The following TRIM2 variants were observed in gnomAD, a reference collection of about 807,000 sequenced individuals.
The protein encoded by TRIM2 is tripartite motif containing 2.
In TRIM2, 20 loss-of-function variants were observed where a neutral mutation model predicts 75.2. The ratio of observed to expected loss-of-function variants is 0.27; its 90% confidence interval spans 0.19 to 0.39. The LOEUF (loss-of-function observed/expected upper bound fraction) is 0.39, where lower values mean the gene tolerates loss of function less well. Ranked by LOEUF, TRIM2 falls within the 10% of genes least tolerant of loss-of-function variation. The probability of loss-of-function intolerance (pLI) is 1.00; values close to 1 mark genes in which losing one functional copy is unlikely to be tolerated. For synonymous variants in TRIM2, 373 were observed against 388.3 expected, an observed-to-expected ratio of 0.96 and a Z score of 0.46; for missense variants, 660 against 990.8, an observed-to-expected ratio of 0.67 and a Z score of 4.48.
chr4:153,257,728 C>CT (rs1752423297), intron 1 of TRIM2: 4 of 653,034 alleles, frequency 6.1e-6, no homozygotes, highest in Non-Finnish European at 9.8e-6. Context: ...GGATTTAATT[C>CT]TTTGCCTCGT....
Position 153,336,575 on chromosome 4 carries a change from A to C in TRIM2, c.*1609A>C, listed in dbSNP as rs369789031. ...TACCAAATAGGATGTCATGTTTGAC[A>C]TTTTTGATAGTGACTTTGGGGTCTT... is the stretch of plus-strand genomic sequence containing the variant. On this transcript the variant is annotated 3_prime_UTR_variant, in exon 12 of 12. Transcript: ENST00000338700. 2.5e-4 allele frequency: 246 copies of C among 985,800 alleles called. 2 individuals carry two copies. In the South Asian group the frequency reaches 0.01, roughly 41 times the overall value. 61.1% of individuals were successfully genotyped at this position (985,800 alleles called of 1,614,324 possible).
chr4:153,204,103 T>G (rs1018922708), upstream of TRIM2, among the ~76,000 whole-genome samples: 9 of 152,326 alleles, frequency 5.9e-5, no homozygotes, highest in African/African-American at 2.2e-4. Context: ...AGACAACAGA[T>G]AGCTAATGCA....
intron 1 of TRIM2, among the ~76,000 whole-genome samples, chr4:153,246,820 G>A (rs1578933931): frequency 6.6e-6 from 1 of 152,172 alleles, no homozygotes; most frequent in African/African-American, 2.4e-5. Flanking sequence ...TCACCTGACC[G>A]TGCACACATT....
chr4:153,212,040 G>C (rs867186997), intron 1 of TRIM2, among the ~76,000 whole-genome samples: 1 of 152,126 alleles, frequency 6.6e-6, no homozygotes, highest in Non-Finnish European at 1.5e-5. Context: ...CTTGCTTCTA[G>C]CTTCTGGCGG....
chr4:153,327,131 A>G (rs1330281629), intron 10 of TRIM2, among the ~76,000 whole-genome samples: 1 of 152,234 alleles, frequency 6.6e-6, no homozygotes, highest in Non-Finnish European at 1.5e-5. Context: ...AAAGGAGACA[A>G]AAAGAGTCAG....
rs752757206 is a variant in TRIM2 at position 153,167,578 on chromosome 4, A to G, written c.-49+14308A>G. On this transcript the variant is annotated intron_variant, in intron 1 of 11. Coordinates refer to the TRIM2 transcript ENST00000437508. ...TTTTCATGTTTGACTTTACTCTCGC[A>G]GTCTTACCAAGTTATTTATTTTCAG... 1.5e-4 allele frequency among the ~76,000 whole-genome samples: 23 copies of G among 152,362 alleles called. No individual in the cohort carries two copies. The South Asian group carries it at 3.1e-3, about 21-fold the overall frequency.
chr4:153,160,382 A>G (rs1448938828), intron 1 of TRIM2, among the ~76,000 whole-genome samples: 1 of 152,226 alleles, frequency 6.6e-6, no homozygotes, highest in Non-Finnish European at 1.5e-5. Context: ...CAATCTCATT[A>G]GCTTCTCCAA....
rs1184678593 is a variant in TRIM2, at chr4:153,284,785, C to T, written c.454-8197C>T. Among the ~76,000 whole-genome samples, 6 of 152,124 alleles carry T rather than the reference C, an allele frequency of 3.9e-5. No homozygotes were observed. In the South Asian group the frequency reaches 6.2e-4, roughly 16 times the overall value. ...AAGTTCTTTGCCCGTTTTTGAATTG[C>T]GTTGTTTATCTTTTTGTTGTTGAGT... On this transcript the variant is annotated intron_variant, in intron 3 of 11. Coordinates refer to ENST00000338700, the MANE Select transcript of TRIM2 (RefSeq NM_015271.5).
At chr4:153,166,954 T>C (rs1730385478) in intron 1 of TRIM2, among the ~76,000 whole-genome samples, 1 of 152,212 alleles carries the variant, frequency 6.6e-6, no homozygotes, top group South Asian at 2.1e-4. Context: ...TCCTCTTGAA[T>C]AGAGGCTGTT....
At position 153,335,206 on chromosome 4, in the gene TRIM2, G is replaced by A. The variant is rs1317252737; in HGVS notation, c.*240G>A. The A allele has an allele frequency of 4.2e-6, 5 of 1,195,718 alleles. No homozygotes were observed. Among genetic ancestry groups the A allele is most frequent in the Non-Finnish European group, 3.1e-6 (3 of 962,842 alleles). The allele number at this position is 1,195,718 out of a possible 1,614,324, so 74.1% of individuals were successfully genotyped here. ...CTATAAAAACTGCAGTTTTACATCT[G>A]TGAACTATGGCTTAAGGGACAGGAT... is the stretch of plus-strand genomic sequence containing the variant. On this transcript the variant is annotated 3_prime_UTR_variant, in exon 12 of 12. Coordinates refer to ENST00000338700, the MANE Select transcript of TRIM2 (RefSeq NM_015271.5).
chr4:153,182,563 C>A (rs1732178931), intron 1 of TRIM2, among the ~76,000 whole-genome samples: 1 of 152,180 alleles, frequency 6.6e-6, no homozygotes, highest in Non-Finnish European at 1.5e-5. Context: ...TAAATAAAAG[C>A]TGTGAGCACA....
At position 153,193,334 on chromosome 4, in the gene TRIM2, T is replaced by C. The variant is rs1733418467; in HGVS notation, c.-49+40064T>C. 3.9e-5 allele frequency among the ~76,000 whole-genome samples: 6 copies of C among 151,946 alleles called. No individual in the cohort carries two copies. In the South Asian group the frequency reaches 1.0e-3, roughly 26 times the overall value. The stretch of plus-strand genomic sequence containing the variant: ...TTTTAGTAGAGACAGGGTTTCACTG[T>C]GTTAGTTAGGATGGTCTCGATCTCC... On this transcript the variant is annotated intron_variant, in intron 1 of 11. Coordinates refer to the TRIM2 transcript ENST00000437508.
intron 6 of TRIM2, among the ~76,000 whole-genome samples, chr4:153,302,058 C>G (rs999541278): frequency 6.6e-6 from 1 of 152,136 alleles, no homozygotes; most frequent in African/African-American, 2.4e-5. Flanking sequence ...TTTTAGATCA[C>G]TTGGGGGTAT....
intron 1 of TRIM2, among the ~76,000 whole-genome samples, chr4:153,263,083 C>T (rs1459301271): frequency 6.6e-6 from 1 of 152,158 alleles, no homozygotes; most frequent in Non-Finnish European, 1.5e-5. Context: ...GTAATCCCAG[C>T]AGTTTGGGAG....
intron 1 of TRIM2, among the ~76,000 whole-genome samples, chr4:153,181,896 G>T (rs1301613510): frequency 1.3e-5 from 2 of 152,292 alleles, no homozygotes; most frequent in Non-Finnish European, 2.9e-5. Context: ...GAAGACAGAG[G>T]TTCCTACCCT....
At chr4:153,193,064 T>C (rs1733372522) in intron 1 of TRIM2, among the ~76,000 whole-genome samples, 1 of 152,102 alleles carries the variant, frequency 6.6e-6, no homozygotes, top group South Asian at 2.1e-4. Context: ...TTTTGTTCAC[T>C]GCTTTATTCC....
At position 153,328,616 on chromosome 4, in the gene TRIM2, A is replaced by G. The variant is rs1364952538; in HGVS notation, c.2109A>G (p.Ala703=). The G allele has an allele frequency of 1.9e-6, 3 of 1,612,384 alleles. No individual in the cohort carries two copies. The highest frequency in any genetic ancestry group is 2.7e-5 in the African/African-American group (2 of 74,848). Residue 703 remains alanine, a synonymous_variant, in exon 11 of 12, where the codon GCA becomes GCG. Coordinates refer to ENST00000338700, the MANE Select transcript of TRIM2 (RefSeq NM_015271.5). ...AGTTTAATGCTCCAACAGGTGTAGC[A>G]GTGGATTCAAATGGAAACATCATTG... ...NGQFNAPTGV[A]VDSNGNIIVA... is the part of the protein sequence containing the mutation.
chr4:153,294,973 G>A (rs1279700407), intron 5 of TRIM2, among the ~76,000 whole-genome samples: 1 of 152,156 alleles, frequency 6.6e-6, no homozygotes, highest in Non-Finnish European at 1.5e-5. Context: ...GGGGACATGG[G>A]GAAAGATACT....
At position 153,338,852 on chromosome 4, in the gene TRIM2, A is replaced by G; in HGVS notation, c.*3886A>G. ...AAACTCAATGCTTTTGCTTTATGAC[A>G]TGGGAATGTTCTGTCATCAATGGAG... On this transcript the variant is annotated 3_prime_UTR_variant, in exon 12 of 12. Coordinates refer to ENST00000338700, the MANE Select transcript of TRIM2 (RefSeq NM_015271.5). The G allele has an allele frequency of 2.0e-6, 2 of 985,796 alleles. No individual in the cohort carries two copies. The highest frequency in any genetic ancestry group is 2.4e-6 in the Non-Finnish European group (2 of 829,908). The allele number at this position is 985,796 out of a possible 1,614,324, so 61.1% of individuals were successfully genotyped here.
Sources: gnomAD v4.1 joint callset for allele counts (sites outside exome capture counted in the v4.1 genomes callset) on GRCh38, gnomAD v4.1.1 for gene constraint, MANE v1.5 for transcripts, NCBI Gene and HGNC (gene_info 2026-07-23, HGNC 2026-07-21) for gene names.